The following NRG1 variants were observed in gnomAD, a reference collection of about 807,000 sequenced individuals.
The protein encoded by NRG1 is pro-neuregulin-1, membrane-bound isoform.
Under a neutral mutation model 63.8 loss-of-function variants are expected in NRG1, and 18 were observed. The observed-to-expected ratio is 0.28, with a 90% CI of 0.19 to 0.42. The LOEUF is 0.42. Ranked by LOEUF, NRG1 falls within the 10% of genes least tolerant of loss-of-function variation. NRG1 has a pLI of 1.00. For synonymous variants in NRG1, 302 were observed against 301.3 expected (o/e 1.00, Z -0.02); for missense variants, 762 against 814.7 (o/e 0.94, Z 0.79).
chr8:32,505,206 T>TG (rs1276897122), intron 1 of NRG1, among the ~76,000 whole-genome samples: 1 of 152,100 alleles, frequency 6.6e-6, no homozygotes, highest in South Asian at 2.1e-4. Context: ...AAAGTGGGGT[T>TG]GGGGGGATGA....
At chr8:31,885,002 G>A (rs555441356) in intron 1 of NRG1, among the ~76,000 whole-genome samples, 2 of 152,196 alleles carry the variant, frequency 1.3e-5, no homozygotes, top group Admixed American at 6.5e-5. Context: ...TGCTTGGTGG[G>A]TATGGAGTTT....
intron 1 of NRG1, among the ~76,000 whole-genome samples, chr8:32,578,184 C>A (rs1040330781): frequency 6.6e-6 from 1 of 152,064 alleles, no homozygotes; most frequent in Non-Finnish European, 1.5e-5. Flanking sequence ...TTAGTAGAGA[C>A]AAGATTTCAG....
chr8:32,770,031 A>G (rs939028666), downstream of NRG1, among the ~76,000 whole-genome samples: 1 of 152,182 alleles, frequency 6.6e-6, no homozygotes, highest in Non-Finnish European at 1.5e-5. Flanking sequence ...AGAATGGGAT[A>G]ATAGTTTCAC....
intron 1 of NRG1, among the ~76,000 whole-genome samples, chr8:32,267,227 A>G (rs1260266240): frequency 6.6e-6 from 1 of 152,176 alleles, no homozygotes; most frequent in Non-Finnish European, 1.5e-5. Flanking sequence ...CTTTCCATCC[A>G]TTACACACTG....
intron 1 of NRG1, among the ~76,000 whole-genome samples, chr8:32,500,495 T>G (rs552102950): frequency 6.6e-6 from 1 of 152,270 alleles, no homozygotes; most frequent in East Asian, 1.9e-4. Context: ...TTAAAACTAT[T>G]GGGTTATATG....
intron 1 of NRG1, among the ~76,000 whole-genome samples, chr8:31,907,827 CTTAA>C (rs1832653469): frequency 6.6e-6 from 1 of 152,136 alleles, no homozygotes; most frequent in Non-Finnish European, 1.5e-5. Context: ...GTGCAACTAT[CTTAA>C]TTATGTCTAT....
intron 1 of NRG1, among the ~76,000 whole-genome samples, chr8:31,926,860 T>A (rs911404316): frequency 6.6e-6 from 1 of 152,170 alleles, no homozygotes; most frequent in Non-Finnish European, 1.5e-5. Context: ...TTCAGCAACA[T>A]CCTCTCTTTT....
At chr8:31,697,264 A>G (rs1251367704) in intron 1 of NRG1, among the ~76,000 whole-genome samples, 1 of 152,212 alleles carries the variant, frequency 6.6e-6, no homozygotes, top group Non-Finnish European at 1.5e-5. Context: ...CTATAACTGC[A>G]TTTGAAATCC....
intron 1 of NRG1, among the ~76,000 whole-genome samples, chr8:31,718,783 A>G (rs986354355): frequency 4.8e-4 from 73 of 152,344 alleles, no homozygotes; most frequent in African/African-American, 1.7e-3. Context: ...AATATCTCTA[A>G]TAAGGAAAAA....
intron 1 of NRG1, among the ~76,000 whole-genome samples, chr8:32,169,830 T>A (rs964947323): frequency 6.6e-6 from 1 of 152,206 alleles, no homozygotes; most frequent in Non-Finnish European, 1.5e-5. Context: ...AAAAAATATA[T>A]GCTTGTCTTA....
intron 1 of NRG1, among the ~76,000 whole-genome samples, chr8:32,097,633 A>G (rs13252152): frequency 0.38 from 58,228 of 152,012 alleles, 11,798 homozygotes; most frequent in East Asian, 0.5. Context: ...GAGGGGAACC[A>G]GGGGATGAGT....
intron 1 of NRG1, among the ~76,000 whole-genome samples, chr8:32,478,008 G>A (rs990326513): frequency 4.6e-5 from 7 of 152,166 alleles, no homozygotes; most frequent in Admixed American, 6.5e-5. Flanking sequence ...GAAAAATCAC[G>A]ACAGATAATA....
chr8:31,794,399 A>G (rs1198840569), intron 1 of NRG1, among the ~76,000 whole-genome samples: 1 of 151,840 alleles, frequency 6.6e-6, no homozygotes, highest in African/African-American at 2.4e-5. Context: ...GTTAGCTGTT[A>G]TAAATGATAC....
At chr8:31,881,893 G>T (rs1375079124) in intron 1 of NRG1, among the ~76,000 whole-genome samples, 1 of 152,170 alleles carries the variant, frequency 6.6e-6, no homozygotes, top group African/African-American at 2.4e-5. Flanking sequence ...TTTAAGGAAA[G>T]AAGCCATCCT....
intron 1 of NRG1, among the ~76,000 whole-genome samples, chr8:31,790,145 A>G (rs1389615881): frequency 6.6e-5 from 10 of 152,230 alleles, no homozygotes; most frequent in Admixed American, 6.5e-4. Flanking sequence ...TTCAGGCATT[A>G]TAAATTGGGA....
chr8:32,290,672 C>CCTT (rs1303043525), intron 1 of NRG1, among the ~76,000 whole-genome samples: 1 of 152,176 alleles, frequency 6.6e-6, no homozygotes, highest in Non-Finnish European at 1.5e-5. Context: ...CATTACTAAA[C>CCTT]CTTCTGCCGA....
rs376399279 is a variant in NRG1, at chr8:32,535,761, C to A, written c.38-60067C>A. On this transcript the variant is annotated intron_variant, in intron 1 of 10. Coordinates refer to the NRG1 transcript ENST00000519301. ...CTTTCAAAAAATTAGAATTTTATAC[C>A]CCTAGGATGTAAAATACCATGTCAG... is the stretch of plus-strand genomic sequence containing the variant. Among the ~76,000 whole-genome samples the A allele has an allele frequency of 2.0e-5, 3 of 152,024 alleles. No individual in the cohort carries two copies. The East Asian group carries it at 5.8e-4, about 29-fold the overall frequency.
At chr8:31,691,494 C>T (rs1809505891) in intron 1 of NRG1, among the ~76,000 whole-genome samples, 1 of 145,238 alleles carries the variant, frequency 6.9e-6, no homozygotes, top group Non-Finnish European at 1.5e-5. Context: ...ACTCGGGAGG[C>T]TGAGGCGGGA....
Position 32,102,629 on chromosome 8 carries a change from G to A in NRG1, c.37+463198G>A, listed in dbSNP as rs1830720132. On this transcript the variant is annotated intron_variant, in intron 1 of 10. Transcript: ENST00000519301. ...GATGTGCATTATCTCTGTGCTCCCT[G>A]TTAGGGGCACCTGACCCATCAGGAA... is the stretch of plus-strand genomic sequence containing the variant. 2.0e-5 allele frequency among the ~76,000 whole-genome samples: 3 copies of A among 152,160 alleles called. No homozygotes were observed. In the South Asian group the frequency reaches 6.2e-4, roughly 31 times the overall value.
Sources: allele counts gnomAD v4.1 joint callset (sites outside exome capture counted in the v4.1 genomes callset), GRCh38; gene constraint gnomAD v4.1.1; transcripts MANE v1.5; gene names NCBI Gene and HGNC (gene_info 2026-07-23, HGNC 2026-07-21).